Variants in SGCD observed in about 807,000 individuals in gnomAD.
The protein encoded by SGCD is sarcoglycan delta.
A neutral mutation model predicts 36.6 loss-of-function variants in SGCD; 18 were observed. The observed-to-expected ratio is 0.49, with a 90% CI of 0.34 to 0.73. The LOEUF (loss-of-function observed/expected upper bound fraction) is 0.73, where lower values mean the gene tolerates loss of function less well. SGCD is among the 30% of genes least tolerant of loss of function. SGCD has a pLI of 0.01. For missense variants in SGCD, 387 were observed against 346.7 expected (o/e 1.12, Z -0.92); for synonymous variants, 133 against 130.6 (o/e 1.02, Z -0.12).
chr5:155,833,379 A>T, the SGCD span, among the ~76,000 whole-genome samples: 1 of 152,224 alleles, frequency 6.6e-6, no homozygotes, highest in Non-Finnish European at 1.5e-5. Context: ...GTGAGTGGTT[A>T]TGAATCACAT....
At chr5:156,291,899 A>G (rs1766766916) in intron 3 of SGCD, among the ~76,000 whole-genome samples, 1 of 152,120 alleles carries the variant, frequency 6.6e-6, no homozygotes, top group Non-Finnish European at 1.5e-5. Context: ...GAAATTTTCA[A>G]ATACATAATG....
At position 155,975,609 on chromosome 5, in the gene SGCD, C is replaced by CTTTTTTTTTTTTTTTTTTTTTTTT. The variant is rs763067309; in HGVS notation, c.-282+105199_-282+105222dup. On this transcript the variant is annotated intron_variant, in intron 1 of 9. Coordinates refer to the SGCD transcript ENST00000517913. ...TGTGTTATTTATTTTTCTTTCTTTC[C>CTTTTTTTTTTTTTTTTTTTTTTTT]TTTTTTTTTTTTTTTTTTTTTTTTT... Among the ~76,000 whole-genome samples, 7 of 28,008 alleles carry CTTTTTTTTTTTTTTTTTTTTTTTT rather than the reference C, an allele frequency of 2.5e-4. 3 individuals are homozygous for CTTTTTTTTTTTTTTTTTTTTTTTT. Among genetic ancestry groups the CTTTTTTTTTTTTTTTTTTTTTTTT allele is most frequent in the African/African-American group, 2.6e-4 (2 of 7,610 alleles). The allele number at this position is 28,008 out of a possible 152,430, so 18.4% of individuals were successfully genotyped here.
Position 156,623,413 on chromosome 5 carries a change from A to G in SGCD, c.503-24051A>G, listed in dbSNP as rs143086750. On this transcript the variant is annotated intron_variant, in intron 6 of 8. Transcript: ENST00000337851. ...ATCTATGTTCAGTGTTTTAATTCAA[A>G]ACGAGATTTCAGAAAAAGAGTCGTG... Among the ~76,000 whole-genome samples, 253 of 152,328 alleles carry G rather than the reference A, an allele frequency of 1.7e-3. 1 individual carries two copies. The highest frequency in any genetic ancestry group is 5.8e-3 in the African/African-American group (241 of 41,576).
chr5:156,608,271 A>G (rs1393043724), intron 6 of SGCD, among the ~76,000 whole-genome samples: 1 of 152,134 alleles, frequency 6.6e-6, no homozygotes, highest in African/African-American at 2.4e-5. Flanking sequence ...TTCAAAGAAG[A>G]TCTTTATTTC....
intron 7 of SGCD, among the ~76,000 whole-genome samples, chr5:156,710,536 T>C (rs1353585494): frequency 6.6e-6 from 1 of 152,176 alleles, no homozygotes; most frequent in Non-Finnish European, 1.5e-5. Context: ...ATGGCTTGGT[T>C]TTACACATTT....
chr5:156,339,770 A>G (rs1768547548), intron 2 of SGCD, among the ~76,000 whole-genome samples: 1 of 152,234 alleles, frequency 6.6e-6, no homozygotes, highest in Non-Finnish European at 1.5e-5. Context: ...AGGAATACAA[A>G]CAAGTTAACA....
intron 7 of SGCD, among the ~76,000 whole-genome samples, chr5:156,682,668 G>A (rs1342473210): frequency 1.3e-5 from 2 of 152,200 alleles, no homozygotes; most frequent in Non-Finnish European, 2.9e-5. Flanking sequence ...AATGTAGGAA[G>A]AAACCAGCAC....
At chr5:156,610,635 C>G (rs1047044459) in intron 6 of SGCD, among the ~76,000 whole-genome samples, 2 of 152,260 alleles carry the variant, frequency 1.3e-5, no homozygotes, top group African/African-American at 2.4e-5. Flanking sequence ...GCCCTGCCCC[C>G]GGAGGTGGAG....
intron 3 of SGCD, among the ~76,000 whole-genome samples, chr5:156,492,972 A>G (rs1463403327): frequency 6.6e-6 from 1 of 152,168 alleles, no homozygotes; most frequent in African/African-American, 2.4e-5. Flanking sequence ...ATTGATGGGC[A>G]TTTGGGTTGA....
intron 3 of SGCD, among the ~76,000 whole-genome samples, chr5:156,479,284 C>T (rs1343504945): frequency 6.6e-5 from 10 of 151,846 alleles, no homozygotes; most frequent in East Asian, 1.9e-4. Flanking sequence ...TTAGTAGAGA[C>T]GGGGTTTCAA....
intron 3 of SGCD, among the ~76,000 whole-genome samples, chr5:156,406,036 G>GAAAAAAAT (rs79259925): frequency 1.5e-5 from 2 of 136,602 alleles, no homozygotes; most frequent in African/African-American, 2.8e-5. Context: ...AAAAAAAAAG[G>GAAAAAAAT]CCTCTGGGCA....
At chr5:156,056,816 CG>C (rs1355719863) in intron 1 of SGCD, among the ~76,000 whole-genome samples, 1 of 145,608 alleles carries the variant, frequency 6.9e-6, no homozygotes, top group Non-Finnish European at 1.5e-5. Flanking sequence ...GAGAATCTGT[CG>C]GGTGGTTACA....
intron 1 of SGCD, among the ~76,000 whole-genome samples, chr5:156,021,882 A>T (rs1201503053): frequency 1.3e-5 from 2 of 152,142 alleles, no homozygotes; most frequent in Non-Finnish European, 2.9e-5. Flanking sequence ...CTTTATTCAG[A>T]TGTAATTCAC....
rs1756164938 is a variant in SGCD, at chr5:156,733,102, C to CT, written c.576-24476dup. Among the ~76,000 whole-genome samples, 10 of 151,936 alleles carry CT rather than the reference C, an allele frequency of 6.6e-5. No individual in the cohort carries two copies. The South Asian group carries it at 2.1e-3, about 32-fold the overall frequency. ...CTGATCTTGCTTTGAGATTTGCTAG[C>CT]TTTGAGGTTTGTTTGCTCTTGGTTC... On this transcript the variant is annotated intron_variant, in intron 7 of 8. Transcript: ENST00000337851.
In SGCD at chr5:156,362,787, T is replaced by G. The variant is rs1416936459; in HGVS notation, c.192+18110T>G. On this transcript the variant is annotated intron_variant, in intron 3 of 8. Transcript: ENST00000337851. ...TTTCATGACATATACTCTATTTGCT[T>G]TATTCAGAGTCACAGCAACCTTCAA... Among the ~76,000 whole-genome samples the G allele has an allele frequency of 2.0e-5, 3 of 152,214 alleles. No individual in the cohort carries two copies. In the East Asian group the frequency reaches 5.8e-4, roughly 29 times the overall value.
chr5:155,868,992 T>C (rs244961), upstream of SGCD, among the ~76,000 whole-genome samples: 83,048 of 151,994 alleles, frequency 0.55, 24,648 homozygotes, highest in African/African-American at 0.78. Flanking sequence ...TCTAGGCTAG[T>C]GGTCTCAGTG....
At chr5:156,103,016 C>T (rs927815267) in intron 1 of SGCD, among the ~76,000 whole-genome samples, 3 of 151,996 alleles carry the variant, frequency 2.0e-5, no homozygotes, top group African/African-American at 7.2e-5. Context: ...AATAATTTAC[C>T]CCAAAGCCAT....
intron 1 of SGCD, among the ~76,000 whole-genome samples, chr5:155,964,976 C>T (rs1297881287): frequency 6.6e-6 from 1 of 152,032 alleles, no homozygotes; most frequent in African/African-American, 2.4e-5. Context: ...GGGCATTGTA[C>T]CACCCTTTCT....
intron 1 of SGCD, among the ~76,000 whole-genome samples, chr5:156,005,346 C>T (rs565598102): frequency 6.6e-6 from 1 of 152,160 alleles, no homozygotes; most frequent in South Asian, 2.1e-4. Context: ...GATATTCTAA[C>T]AGAATTGAGA....
Sources: gnomAD v4.1 joint callset for allele counts (sites outside exome capture counted in the v4.1 genomes callset) on GRCh38, gnomAD v4.1.1 for gene constraint, MANE v1.5 for transcripts, NCBI Gene and HGNC (gene_info 2026-07-23, HGNC 2026-07-21) for gene names.